Variants in CCP110 observed in about 807,000 individuals in gnomAD.
The protein encoded by CCP110 is centriolar coiled-coil protein of 110 kDa.
A neutral mutation model predicts 105.5 loss-of-function variants in CCP110; 43 were observed. The ratio of observed to expected loss-of-function variants is 0.41; its 90% CI spans 0.32 to 0.53. The LOEUF is 0.53. Among genes scored for constraint, CCP110 ranks in the 20% least tolerant of loss-of-function variants. The pLI is 0.32. For synonymous variants in CCP110, 353 were observed against 392.1 expected (o/e 0.90, Z 1.18); for missense variants, 1,016 against 1,189.1 (o/e 0.85, Z 2.14).
intron 3 of CCP110, among the ~76,000 whole-genome samples, chr16:19,534,242 G>A (rs942026895): frequency 7.2e-5 from 11 of 152,102 alleles, no homozygotes; most frequent in Non-Finnish European, 1.3e-4. Context: ...TACTTACTAC[G>A]TATTTCCTGT....
At chr16:19,525,008 A>G (rs1969620194) in intron 1 of CCP110, 2 of 152,200 alleles carry the variant, frequency 1.3e-5, no homozygotes, top group African/African-American at 4.8e-5. Flanking sequence ...TCTTTTACAG[A>G]GGACGAAACA....
At chr16:19,529,239 C>T (rs919774478) in intron 2 of CCP110, among the ~76,000 whole-genome samples, 4 of 152,166 alleles carry the variant, frequency 2.6e-5, no homozygotes, top group African/African-American at 9.7e-5. Context: ...ATAGGGAAGA[C>T]ACTTCATCAT....
chr16:19,535,988 A>C, exon 4 of CCP110: 4 of 1,612,944 alleles, frequency 2.5e-6, no homozygotes, highest in Non-Finnish European at 3.4e-6. Flanking sequence ...GGAGATGGAA[A>C]CAGTTTACTC....
At chr16:19,546,629 CAA>C in intron 12 of CCP110, 155 bp downstream of exon 12, 1 of 490,160 alleles carries the variant, frequency 2.0e-6, no homozygotes, top group Non-Finnish European at 3.7e-6. Flanking sequence ...CCAGCCTGAC[CAA>C]CATGGAAAAC....
At chr16:19,526,406 T>C (rs1969673472) in intron 1 of CCP110, 1 of 152,212 alleles carries the variant, frequency 6.6e-6, no homozygotes, top group South Asian at 2.1e-4. Context: ...TAAGAAATAA[T>C]GTGAGTTGAA....
rs191315244 is a variant in CCP110, at chr16:19,538,244, G to T, written c.1918+657G>T. On this transcript the variant is annotated intron_variant, in intron 4 of 14. Coordinates refer to ENST00000381396, the Ensembl canonical transcript of CCP110. ...GGATGGATCTTCTTATTTAAATGAT[G>T]AAGCTTTCATAGTCCACTTGGTATT... Among the ~76,000 whole-genome samples the T allele has an allele frequency of 4.1e-3, 597 of 147,020 alleles. 3 individuals carry two copies. Among genetic ancestry groups the T allele is most frequent in the Middle Eastern group, 0.014 (4 of 278 alleles).
At position 19,548,215 on chromosome 16, in the gene CCP110, G is replaced by C. The variant is rs1597281271; in HGVS notation, c.2900+201G>C. The C allele has an allele frequency of 1.7e-6, 1 of 594,706 alleles. No individual in the cohort carries two copies. The highest frequency in any genetic ancestry group is 2.8e-5 in the East Asian group (1 of 36,160). 36.8% of individuals were successfully genotyped at this position (594,706 alleles called of 1,614,324 possible). A position where few individuals can be genotyped will look rare whatever the true frequency, so the allele number is the denominator to read the frequency against. ...TGTACTGTTGTGTATTCTAATTACT[G>C]TCTTAAGTTGGGATGTTTTTACTTT... On this transcript the variant is annotated intron_variant, in intron 13 of 14. Transcript: ENST00000381396. The surrounding 1 kb of genome is among the most constrained non-coding windows in gnomAD (Gnocchi z 4.1).
At chr16:19,536,702 C>T (rs908365769) in exon 4 of CCP110, 1 of 1,614,168 alleles carries the variant, frequency 6.2e-7, no homozygotes, top group Non-Finnish European at 8.5e-7. Flanking sequence ...TAAAGTTATT[C>T]CCACTTTTGT....
At chr16:19,549,517 T>C (rs1327685837) in intron 14 of CCP110, among the ~76,000 whole-genome samples, 3 of 152,208 alleles carry the variant, frequency 2.0e-5, no homozygotes, top group South Asian at 2.1e-4. Flanking sequence ...AGGTAATTCA[T>C]AGTGTCACAC....
chr16:19,548,038 T>C lies in CCP110; in HGVS notation c.2900+24T>C, dbSNP rs754804271. On this transcript the variant is annotated intron_variant, in intron 13 of 14. Transcript: ENST00000381396. This position sits in a 1 kb window ranked among gnomAD's most constrained non-coding sequence, Gnocchi z 4.1. ...GGGTAAGAATGCCACACACGGGTAT[T>C]GAAAACTACGGAAACCAAGATTAGA... The C allele has an allele frequency of 8.6e-6, 13 of 1,513,240 alleles. No individual in the cohort carries two copies. Among genetic ancestry groups the C allele is most frequent in the Non-Finnish European group, 6.4e-6 (7 of 1,089,384 alleles). The allele number at this position is 1,513,240 out of a possible 1,614,324, so 93.7% of individuals were successfully genotyped here.
chr16:19,537,073 T>C (rs766525448), exon 4 of CCP110: 1 of 1,614,186 alleles, frequency 6.2e-7, no homozygotes, highest in South Asian at 1.1e-5. Flanking sequence ...CAGGAAATCA[T>C]TTAGAAAATA....
In CCP110 at chr16:19,548,122, G is replaced by T; in HGVS notation, c.2900+108G>T. ...TGTAAAGGATAATGGTTTTTCAATG[G>T]GATTTTTTTTCTTTATAGCATTGGG... On this transcript the variant is annotated intron_variant, in intron 13 of 14. Transcript: ENST00000381396. The surrounding 1 kb of genome is among the most constrained non-coding windows in gnomAD (Gnocchi z 4.1). 4 of 842,156 alleles carry T rather than the reference G, an allele frequency of 4.7e-6. No homozygotes were observed. Among genetic ancestry groups the T allele is most frequent in the Admixed American group, 2.2e-5 (1 of 44,966 alleles). The allele number at this position is 842,156 out of a possible 1,614,324, so 52.2% of individuals were successfully genotyped here.
In CCP110 at chr16:19,537,298, G is replaced by A. The variant is rs530011102; in HGVS notation, c.1629G>A (p.Lys543=). 5 of 1,614,176 alleles carry A rather than the reference G, an allele frequency of 3.1e-6. No individual in the cohort carries two copies. In the African/African-American group the frequency reaches 5.3e-5, roughly 17 times the overall value. The change falls in exon 4 of 15, where the codon AAG becomes AAA. Residue 543 remains lysine (K), a synonymous_variant. Coordinates refer to ENST00000381396, the Ensembl canonical transcript of CCP110. ...GCAGTTTGCAAACAGAACTGAATAA[G>A]TCTTATGATGTAAAAAACCCTTCTC...
chr16:19,540,468 G>C (rs1970237243), intron 4 of CCP110, among the ~76,000 whole-genome samples, 189 bp from the exon 5 acceptor site: 1 of 152,154 alleles, frequency 6.6e-6, no homozygotes, highest in Admixed American at 6.6e-5. Flanking sequence ...TGCAATACAG[G>C]TCTTACTTTA....
chr16:19,548,127 T>G lies in CCP110; in HGVS notation c.2900+113T>G. ...AGGATAATGGTTTTTCAATGGGATT[T>G]TTTTTCTTTATAGCATTGGGAAAGA... On this transcript the variant is annotated intron_variant, in intron 13 of 14. Coordinates refer to ENST00000381396, the Ensembl canonical transcript of CCP110. The surrounding 1 kb of genome is among the most constrained non-coding windows in gnomAD (Gnocchi z 4.1). The G allele has an allele frequency of 1.2e-6, 1 of 822,912 alleles. No individual in the cohort carries two copies. The highest frequency in any genetic ancestry group is 1.5e-5 in the South Asian group (1 of 66,846). The allele number at this position is 822,912 out of a possible 1,614,324, so 51.0% of individuals were successfully genotyped here. A position where few individuals can be genotyped will look rare whatever the true frequency, so the allele number is the denominator to read the frequency against.
chr16:19,535,906 G>T, intron 3 of CCP110, 34 bp from the exon 4 acceptor site: 1 of 1,362,946 alleles, frequency 7.3e-7, no homozygotes, highest in Non-Finnish European at 1.0e-6. Context: ...TTTGTGCAAT[G>T]AGGAAATATT....
intron 3 of CCP110, among the ~76,000 whole-genome samples, chr16:19,534,024 G>C (rs1969966553): frequency 6.6e-6 from 1 of 152,194 alleles, no homozygotes; most frequent in Non-Finnish European, 1.5e-5. Flanking sequence ...CGCAGGCTGA[G>C]AGGTAGTATT....
intron 12 of CCP110, 133 bp from the exon 13 acceptor site, chr16:19,547,822 G>GT: frequency 1.5e-6 from 1 of 663,426 alleles, no homozygotes; most frequent in Non-Finnish European, 2.7e-6. Flanking sequence ...GCTCTGATTT[G>GT]TGGTAATATA....
rs546837700 is a variant in CCP110, at chr16:19,531,791, C to T, written c.142-625C>T. On this transcript the variant is annotated intron_variant, in intron 2 of 14. Transcript: ENST00000381396. ...GACCAGCCTGACCAACATGGTGAAA[C>T]CCCATCTCTACTAAAAATACAAAAA... Among the ~76,000 whole-genome samples the T allele has an allele frequency of 2.6e-5, 4 of 152,162 alleles. No individual in the cohort carries two copies. The South Asian group carries it at 8.3e-4, about 32-fold the overall frequency.
Sources: gnomAD v4.1 joint callset for allele counts (sites outside exome capture counted in the v4.1 genomes callset) on GRCh38, gnomAD v4.1.1 for gene constraint, Gnocchi (gnomAD v3.1) non-coding constraint, MANE v1.5 for transcripts, NCBI Gene and HGNC (gene_info 2026-07-23, HGNC 2026-07-21) for gene names.